The following PSMB2 variants were observed in gnomAD, a reference collection of about 807,000 sequenced individuals.
The protein encoded by PSMB2 is proteasome subunit beta type-2.
A neutral mutation model predicts 25.7 loss-of-function variants in PSMB2; 13 were observed. The observed-to-expected ratio is 0.51, with a 90% CI of 0.33 to 0.80. PSMB2 has a LOEUF of 0.80. Among genes scored for constraint, PSMB2 ranks in the 30% least tolerant of loss-of-function variants. PSMB2 has a pLI of 0.02. For synonymous variants in PSMB2, 87 were observed against 96.2 expected, an observed-to-expected ratio of 0.90 and a Z score of 0.56; for missense variants, 202 against 259.0, an observed-to-expected ratio of 0.78 and a Z score of 1.51.
In PSMB2 at chr1:35,601,437, T is replaced by C. The variant is rs1649997817; in HGVS notation, c.*1830A>G. 2 of 985,258 alleles carry C rather than the reference T, an allele frequency of 2.0e-6. No homozygotes were observed. Among genetic ancestry groups the C allele is most frequent in the Non-Finnish European group, 2.4e-6 (2 of 829,916 alleles). 61.0% of individuals were successfully genotyped at this position (985,258 alleles called of 1,614,324 possible). A position where few individuals can be genotyped will look rare whatever the true frequency, so the allele number is the denominator to read the frequency against. On this transcript the variant is annotated 3_prime_UTR_variant, in exon 6 of 6. Transcript: ENST00000373237. ...GAATCTAGCTAAAAGCTCAAACCTA[T>C]GCATATTCATGGTGGTGTTGGAGGT... is the stretch of plus-strand genomic sequence containing the variant.
At chr1:35,625,799 C>CA (rs1650843504) in intron 3 of PSMB2, among the ~76,000 whole-genome samples, 1 of 151,736 alleles carries the variant, frequency 6.6e-6, no homozygotes, top group Admixed American at 6.6e-5. Flanking sequence ...CATAACTCAT[C>CA]ATCCTCTGAC....
At chr1:35,632,299 C>T (rs897164546) in intron 2 of PSMB2, among the ~76,000 whole-genome samples, 2 of 152,148 alleles carry the variant, frequency 1.3e-5, no homozygotes, top group African/African-American at 2.4e-5. Context: ...CATGTAATAA[C>T]GCATTCACTT....
intron 3 of PSMB2, among the ~76,000 whole-genome samples, chr1:35,631,013 A>G (rs76174851): frequency 0.012 from 1,658 of 140,588 alleles, 39 homozygotes; most frequent in African/African-American, 0.048. Flanking sequence ...TTTTAGGGGG[A>G]AAAAAAAAGG....
chr1:35,609,428 C>T lies in PSMB2; in HGVS notation c.286-20G>A, dbSNP rs1271966499. ...TGGGGTCTGCAAAGAAAAGATATGG[C>T]AAAGTGATAACTAAAGCAGAACACC... is the stretch of plus-strand genomic sequence containing the variant. On this transcript the variant is annotated intron_variant, in intron 3 of 5. Coordinates refer to ENST00000373237, the MANE Select transcript of PSMB2 (RefSeq NM_002794.5). 1.4e-6 allele frequency: 2 copies of T among 1,480,802 alleles called. No homozygotes were observed. Among genetic ancestry groups the T allele is most frequent in the Admixed American group, 4.4e-5 (2 of 45,720 alleles). 91.7% of individuals were successfully genotyped at this position (1,480,802 alleles called of 1,614,324 possible). A position where few individuals can be genotyped will look rare whatever the true frequency, so the allele number is the denominator to read the frequency against.
rs1159254219 is a variant in PSMB2 at position 35,603,027 on chromosome 1, C to T, written c.*240G>A. On this transcript the variant is annotated 3_prime_UTR_variant, in exon 6 of 6. Coordinates refer to ENST00000373237, the MANE Select transcript of PSMB2 (RefSeq NM_002794.5). The stretch of plus-strand genomic sequence containing the variant: ...CCGTCAGCTGCTAAAGGGTACTGAG[C>T]GTTAATGGAGGGCGGAGCAGGAAGA... 2.8e-5 allele frequency: 36 copies of T among 1,268,626 alleles called. 1 individual carries two copies. In the South Asian group the frequency reaches 4.6e-4, roughly 16 times the overall value. 78.6% of individuals were successfully genotyped at this position (1,268,626 alleles called of 1,614,324 possible). A position where few individuals can be genotyped will look rare whatever the true frequency, so the allele number is the denominator to read the frequency against.
At chr1:35,637,364 C>A (rs948728409) in intron 1 of PSMB2, among the ~76,000 whole-genome samples, 3 of 152,116 alleles carry the variant, frequency 2.0e-5, no homozygotes, top group Non-Finnish European at 2.9e-5. Flanking sequence ...TGACAGTAAG[C>A]TATTTAAAAT....
chr1:35,628,623 ATATATATATTTTTT>A (rs1557456587), intron 3 of PSMB2, among the ~76,000 whole-genome samples: 1 of 46,480 alleles, frequency 2.2e-5, no homozygotes, highest in African/African-American at 8.7e-5. Context: ...ATATATATAT[ATATATATATTTTTT>A]TTTTTTTTTT....
intron 3 of PSMB2, among the ~76,000 whole-genome samples, chr1:35,620,365 A>C (rs1231691410): frequency 1.3e-5 from 2 of 152,150 alleles, no homozygotes; most frequent in Admixed American, 1.3e-4. Flanking sequence ...CAGGCCCCTC[A>C]TTGGTCTCCC....
rs76335854 is a variant in PSMB2 at position 35,622,149 on chromosome 1, T to C, written c.285+9125A>G. ...CTGCCCTTCATTTTAGGTAACTGTT[T>C]TTTGGGAGAGAGTAAAGAAAACCTC... On this transcript the variant is annotated intron_variant, in intron 3 of 5. Transcript: ENST00000373237. Among the ~76,000 whole-genome samples, 389 of 152,246 alleles carry C rather than the reference T, an allele frequency of 2.6e-3. 2 individuals are homozygous for C. The highest frequency in any genetic ancestry group is 9.1e-3 in the African/African-American group (378 of 41,544).
chr1:35,624,818 T>G (rs1388389550), intron 3 of PSMB2, among the ~76,000 whole-genome samples: 1 of 151,678 alleles, frequency 6.6e-6, no homozygotes. Context: ...ATCCCAGCAC[T>G]TTGGGAGGCC....
At chr1:35,614,314 G>T (rs1650424601) in intron 3 of PSMB2, among the ~76,000 whole-genome samples, 1 of 152,120 alleles carries the variant, frequency 6.6e-6, no homozygotes, top group Non-Finnish European at 1.5e-5. Flanking sequence ...TTAAGGATTT[G>T]CCTAATTATC....
intron 3 of PSMB2, among the ~76,000 whole-genome samples, chr1:35,611,383 C>T (rs1455075542): frequency 1.3e-5 from 2 of 152,212 alleles, no homozygotes; most frequent in South Asian, 2.1e-4. Flanking sequence ...TGTTCTGTCG[C>T]CCAGGCTGGA....
chr1:35,617,155 T>C (rs765563593), intron 3 of PSMB2, among the ~76,000 whole-genome samples: 1 of 152,136 alleles, frequency 6.6e-6, no homozygotes, highest in Non-Finnish European at 1.5e-5. Flanking sequence ...TTCAAGTGGT[T>C]TTCCTGCCTC....
intron 4 of PSMB2, among the ~76,000 whole-genome samples, chr1:35,606,456 A>C (rs746970779): frequency 1.3e-5 from 2 of 152,322 alleles, no homozygotes; most frequent in Non-Finnish European, 2.9e-5. Context: ...CACAAAAATC[A>C]AAGAAAATAA....
intron 3 of PSMB2, among the ~76,000 whole-genome samples, chr1:35,627,130 G>A (rs1650887957): frequency 6.6e-6 from 1 of 151,254 alleles, no homozygotes; most frequent in Non-Finnish European, 1.5e-5. Flanking sequence ...TACCAGCATG[G>A]TGGCTTGGCG....
intron 3 of PSMB2, among the ~76,000 whole-genome samples, chr1:35,628,596 A>AAATATATATATATAT (rs59538661): frequency 1.6e-4 from 4 of 25,106 alleles, no homozygotes; most frequent in Non-Finnish European, 3.0e-4. Flanking sequence ...AAAAAAAAAA[A>AAATATATATATATAT]ATATATATAT....
intron 3 of PSMB2, among the ~76,000 whole-genome samples, chr1:35,630,217 A>C (rs1023399114): frequency 2.0e-5 from 3 of 152,206 alleles, no homozygotes; most frequent in Admixed American, 2.0e-4. Context: ...TTATTTTCAA[A>C]GTTCTACTTT....
At chr1:35,604,027 T>TA (rs113950978) in intron 5 of PSMB2, among the ~76,000 whole-genome samples, 4,130 of 80,460 alleles carry the variant, frequency 0.051, 211 homozygotes, top group African/African-American at 0.15. Context: ...ATCCATCTCT[T>TA]AAAAAAAAAA....
chr1:35,637,279 A>G (rs941958577), intron 1 of PSMB2, among the ~76,000 whole-genome samples: 8 of 152,380 alleles, frequency 5.3e-5, no homozygotes, highest in African/African-American at 1.9e-4. Flanking sequence ...CACTTTAAAA[A>G]GTAAACAAAT....
Sources: allele counts gnomAD v4.1 joint callset (sites outside exome capture counted in the v4.1 genomes callset), GRCh38; gene constraint gnomAD v4.1.1; transcripts MANE v1.5; gene names NCBI Gene and HGNC (gene_info 2026-07-23, HGNC 2026-07-21).